Variants in CUBN observed in about 807,000 individuals in gnomAD.
The protein encoded by CUBN is 460 kDa receptor.
A neutral mutation model predicts 405.3 loss-of-function variants in CUBN; 282 were observed. The ratio of observed to expected loss-of-function variants is 0.70; its 90% confidence interval spans 0.63 to 0.77. The LOEUF is 0.77. Among genes scored for constraint, CUBN ranks in the 30% least tolerant of loss-of-function variants. The pLI is 0.00. For synonymous variants in CUBN, 1,684 were observed against 1,617.0 expected (o/e 1.04, Z -0.99); for missense variants, 4,514 against 4,475.2 (o/e 1.01, Z -0.25).
chr10:16,871,689 G>T (rs948462259), intron 58 of CUBN, among the ~76,000 whole-genome samples: 2 of 152,090 alleles, frequency 1.3e-5, no homozygotes, highest in African/African-American at 4.8e-5. Context: ...TTCACAAAAA[G>T]AATCCACAAA....
chr10:17,115,104 C>T (rs1298753317), intron 7 of CUBN, among the ~76,000 whole-genome samples: 1 of 152,024 alleles, frequency 6.6e-6, no homozygotes, highest in African/African-American at 2.4e-5. Context: ...ATTAGCCAGG[C>T]ATGTTGGCAT....
At chr10:16,846,942 G>T (rs550184058) in intron 60 of CUBN, among the ~76,000 whole-genome samples, 6 of 152,176 alleles carry the variant, frequency 3.9e-5, no homozygotes, top group African/African-American at 1.4e-4. Context: ...AGTCAGCTAG[G>T]TTCATGCTCC....
chr10:16,925,558 T>C, intron 42 of CUBN, 26 bp downstream of exon 42: 1 of 1,613,384 alleles, frequency 6.2e-7, no homozygotes, highest in South Asian at 1.1e-5. Flanking sequence ...GAAAATGTAA[T>C]TAGAAAGGGT....
chr10:16,958,258 T>C (rs531107390), intron 31 of CUBN, among the ~76,000 whole-genome samples: 2 of 152,294 alleles, frequency 1.3e-5, no homozygotes, highest in South Asian at 4.1e-4. Flanking sequence ...AGACCTCTGC[T>C]AAAATTCATC....
At position 17,078,857 on chromosome 10, in the gene CUBN, T is replaced by C. The variant is rs184507794; in HGVS notation, c.2301+5414A>G. ...ATACCCTCTATTTGACCTAGGAATT[T>C]GTAATGTTCTTGATAATGGTCCATC... On this transcript the variant is annotated intron_variant, in intron 17 of 66. Transcript: ENST00000377833. Among the ~76,000 whole-genome samples, 504 of 152,304 alleles carry C rather than the reference T, an allele frequency of 3.3e-3. 2 individuals carry two copies. Among genetic ancestry groups the C allele is most frequent in the African/African-American group, 0.012 (478 of 41,550 alleles).
intron 54 of CUBN, among the ~76,000 whole-genome samples, chr10:16,891,972 A>C (rs1360707666): frequency 1.3e-5 from 2 of 152,274 alleles, no homozygotes; most frequent in African/African-American, 2.4e-5. Flanking sequence ...ATCTTACTTG[A>C]CTATTCAACA....
At chr10:16,927,035 T>G (rs563993321) in intron 41 of CUBN, among the ~76,000 whole-genome samples, 1 of 151,974 alleles carries the variant, frequency 6.6e-6, no homozygotes. Context: ...CAGGTTAAAT[T>G]TGAAATACAT....
At chr10:16,830,128 G>T (rs1014279119) in intron 65 of CUBN, among the ~76,000 whole-genome samples, 10 of 152,132 alleles carry the variant, frequency 6.6e-5, no homozygotes, top group African/African-American at 1.9e-4. Flanking sequence ...TGGAGATGGG[G>T]TTTCACCCTG....
At chr10:17,100,322 A>G in intron 13 of CUBN, 83 bp from the exon 14 acceptor site, 3 of 883,036 alleles carry the variant, frequency 3.4e-6, no homozygotes, top group Non-Finnish European at 3.7e-6. Context: ...GGCAGCATTC[A>G]TACTGAGGCA....
chr10:16,831,990 ATGTC>A (rs763845674), intron 64 of CUBN, among the ~76,000 whole-genome samples: 8 of 152,192 alleles, frequency 5.3e-5, no homozygotes, highest in Non-Finnish European at 7.4e-5. Flanking sequence ...AATCTATACA[ATGTC>A]TGTTGTTAAA....
At chr10:17,060,625 A>C (rs1588617876) in intron 22 of CUBN, among the ~76,000 whole-genome samples, 1 of 152,364 alleles carries the variant, frequency 6.6e-6, no homozygotes, top group African/African-American at 2.4e-5. Flanking sequence ...GTAAGAAAGT[A>C]AATCTTTAAA....
chr10:16,878,931 T>C (rs1363005861), intron 56 of CUBN, among the ~76,000 whole-genome samples: 1 of 152,232 alleles, frequency 6.6e-6, no homozygotes, highest in Non-Finnish European at 1.5e-5. Flanking sequence ...TTCCTTTTTA[T>C]AGTGATAGCA....
rs751474289 is a variant in CUBN at position 17,127,895 on chromosome 10, C to G, written c.282G>C (p.Glu94Asp). ...QIQKNKEDII[E>D]LKGSAIGLPQ... ...GCAGACCAATTGCACTCCCTTTTAA[C>G]TCTATAATATCTTCTTTGTTTTTCT... is the stretch of plus-strand genomic sequence containing the variant. The change falls in exon 3 of 67, where the codon GAG becomes GAC. Residue 94 changes from glutamate (E) to aspartate (D), a missense_variant. Coordinates refer to ENST00000377833, the MANE Select transcript of CUBN (RefSeq NM_001081.4). 2 of 1,610,698 alleles carry G rather than the reference C, an allele frequency of 1.2e-6. No individual in the cohort carries two copies. Among genetic ancestry groups the G allele is most frequent in the East Asian group, 2.2e-5 (1 of 44,844 alleles).
At chr10:16,882,793 C>A (rs1840699712) in intron 56 of CUBN, among the ~76,000 whole-genome samples, 1 of 152,098 alleles carries the variant, frequency 6.6e-6, no homozygotes, top group Non-Finnish European at 1.5e-5. Flanking sequence ...GCAGGCAGAT[C>A]ACTTGAGGTC....
intron 22 of CUBN, among the ~76,000 whole-genome samples, chr10:17,052,828 A>G (rs75505657): frequency 0.022 from 3,341 of 151,346 alleles, 72 homozygotes; most frequent in Admixed American, 0.05. Context: ...AAGCAAAAAT[A>G]ATAGTAAGGT....
Position 16,950,107 on chromosome 10 carries a change from AT to A in CUBN, c.4973del (p.Asn1658IlefsTer23), listed in dbSNP as rs1588511533. 11 of 1,610,092 alleles carry A rather than the reference AT, an allele frequency of 6.8e-6. No homozygotes were observed. Among genetic ancestry groups the A allele is most frequent in the Non-Finnish European group, 1.7e-6 (2 of 1,176,786 alleles). On this transcript the variant is annotated frameshift_variant, in exon 34 of 67. Transcript: ENST00000377833. LOFTEE classifies it high-confidence loss of function. ...AGTGGGTAAAAGAGAGGGTGATATG[AT>A]TTACTGGAAGAAAAAAGAGAAGACT... ...SWIIQAQPPL[N>X]HITLSFTHFE...
intron 31 of CUBN, among the ~76,000 whole-genome samples, chr10:16,956,541 A>C (rs1843070457): frequency 6.6e-6 from 1 of 152,058 alleles, no homozygotes. Context: ...TTCATACTTG[A>C]GTCTACTCTC....
intron 15 of CUBN, among the ~76,000 whole-genome samples, chr10:17,087,823 C>T (rs919541497): frequency 3.3e-5 from 5 of 152,092 alleles, no homozygotes; most frequent in Non-Finnish European, 5.9e-5. Flanking sequence ...GCCAGTTTAC[C>T]ACAGACAACT....
intron 4 of CUBN, among the ~76,000 whole-genome samples, chr10:17,125,455 T>A (rs1379628070): frequency 6.6e-6 from 1 of 152,206 alleles, no homozygotes; most frequent in Non-Finnish European, 1.5e-5. Flanking sequence ...CCTGTTTTAT[T>A]CCATTATTCT....
Sources: allele counts gnomAD v4.1 joint callset (sites outside exome capture counted in the v4.1 genomes callset), GRCh38; gene constraint gnomAD v4.1.1; transcripts MANE v1.5; gene names NCBI Gene and HGNC (gene_info 2026-07-23, HGNC 2026-07-21).